AMER3: variants seen among roughly 807,000 people sequenced by gnomAD.
The protein encoded by AMER3 is family with sequence similarity 123C.
For synonymous variants in AMER3, 541 were observed against 485.5 expected (o/e 1.11, Z -1.50); for missense variants, 1,201 against 1,139.4 (o/e 1.05, Z -0.78).
chr2:130,765,772 A>C lies in AMER3; in HGVS notation c.*1114A>C, dbSNP rs1051862752. The C allele has an allele frequency of 7.8e-5, 13 of 166,984 alleles. No individual in the cohort carries two copies. Among genetic ancestry groups the C allele is most frequent in the African/African-American group, 3.1e-4 (13 of 41,422 alleles). 10.3% of individuals were successfully genotyped at this position (166,984 alleles called of 1,614,324 possible). A position where few individuals can be genotyped will look rare whatever the true frequency, so the allele number is the denominator to read the frequency against. On this transcript the variant is annotated 3_prime_UTR_variant, in exon 2 of 2. Coordinates refer to ENST00000321420, the MANE Select transcript of AMER3 (RefSeq NM_152698.3). ...AGAGAGAGACCAGTTTGCCTTCTTT[A>C]TTTGTTCTCCCTGGGCCTCAGCAGA...
In AMER3 at chr2:130,768,092, C is replaced by T. The variant is rs1679033652; in HGVS notation, c.*3434C>T. 1 of 167,152 alleles carries T rather than the reference C, an allele frequency of 6.0e-6. No homozygotes were observed. Among genetic ancestry groups the T allele is most frequent in the Non-Finnish European group, 1.5e-5 (1 of 68,184 alleles). The allele number at this position is 167,152 out of a possible 1,614,324, so 10.4% of individuals were successfully genotyped here. A position where few individuals can be genotyped will look rare whatever the true frequency, so the allele number is the denominator to read the frequency against. ...CTTTGTGCTGCACCTGAGGGAGTAG[C>T]CGCTCTGTAAATCCTTGTTGAAAGA... is the stretch of plus-strand genomic sequence containing the variant. On this transcript the variant is annotated 3_prime_UTR_variant, in exon 2 of 2. Transcript: ENST00000321420.
rs1574041346 is a variant in AMER3, at chr2:130,761,941, C to T, written c.-19-113C>T. On this transcript the variant is annotated intron_variant, in intron 1 of 1. Coordinates refer to ENST00000321420, the MANE Select transcript of AMER3 (RefSeq NM_152698.3). ...CTCCCCCACCTGCAAGGAGGATCTC[C>T]TGGGACAGAGGCCCCTGCAGAGAGT... 5 of 1,060,254 alleles carry T rather than the reference C, an allele frequency of 4.7e-6. No homozygotes were observed. In the East Asian group the frequency reaches 7.8e-5, roughly 17 times the overall value. 65.7% of individuals were successfully genotyped at this position (1,060,254 alleles called of 1,614,324 possible).
chr2:130,761,370 A>G (rs1678776572), intron 1 of AMER3, among the ~76,000 whole-genome samples: 2 of 152,220 alleles, frequency 1.3e-5, no homozygotes, highest in Admixed American at 6.5e-5. Flanking sequence ...TGATGTGTGC[A>G]CAAAAGGTGG....
chr2:130,761,221 G>A (rs1168688629), intron 1 of AMER3, among the ~76,000 whole-genome samples: 4 of 152,150 alleles, frequency 2.6e-5, no homozygotes, highest in Non-Finnish European at 4.4e-5. Context: ...TAACTGGGCC[G>A]GGACAGTCAA....
rs1678994516 is a variant in AMER3 at position 130,766,780 on chromosome 2, G to A, written c.*2122G>A. The A allele has an allele frequency of 6.0e-6, 1 of 166,772 alleles. No individual in the cohort carries two copies. The highest frequency in any genetic ancestry group is 1.5e-5 in the Non-Finnish European group (1 of 68,136). The allele number at this position is 166,772 out of a possible 1,614,324, so 10.3% of individuals were successfully genotyped here. On this transcript the variant is annotated 3_prime_UTR_variant, in exon 2 of 2. Transcript: ENST00000321420. ...AGCCTCCCACAGTGCTGGATGACAG[G>A]AGTGAGCCAGCCAGCATCATGCATC... is the stretch of plus-strand genomic sequence containing the variant.
In AMER3 at chr2:130,764,477, G is replaced by A. The variant is rs371892960; in HGVS notation, c.2405G>A (p.Arg802Gln). The A allele has an allele frequency of 3.3e-5, 53 of 1,598,454 alleles. 1 individual carries two copies. Among genetic ancestry groups the A allele is most frequent in the South Asian group, 2.4e-4 (21 of 89,030 alleles). Residue 802 changes from arginine to glutamine, a missense_variant, in exon 2 of 2, where the codon CGG becomes CAG. Transcript: ENST00000321420. ...DSEPRSAPAA[R>Q]WSSQGHHPES... is the part of the protein sequence containing the mutation. ...GAGCCCCGCTCAGCCCCTGCTGCCC[G>A]GTGGAGTTCCCAGGGCCACCATCCA...
At chr2:130,757,511 G>C (rs952609787) in intron 1 of AMER3, among the ~76,000 whole-genome samples, 2 of 152,178 alleles carry the variant, frequency 1.3e-5, no homozygotes, top group East Asian at 3.9e-4. Context: ...ACCTCAGGCC[G>C]GGTGTGGTGT....
intron 1 of AMER3, among the ~76,000 whole-genome samples, chr2:130,757,463 C>T (rs1678647123): frequency 6.6e-6 from 1 of 152,176 alleles, no homozygotes; most frequent in Non-Finnish European, 1.5e-5. Context: ...AAGGTTGGCT[C>T]CCTGTGGCTT....
At position 130,763,203 on chromosome 2, in the gene AMER3, C is replaced by T. The variant is rs148342332; in HGVS notation, c.1131C>T (p.Pro377=). 3.5e-5 allele frequency: 56 copies of T among 1,613,794 alleles called. No individual in the cohort carries two copies. In the African/African-American group the frequency reaches 6.3e-4, roughly 18 times the overall value. Residue 377 remains proline, a synonymous_variant, in exon 2 of 2, where the codon CCC becomes CCT. Coordinates refer to ENST00000321420, the MANE Select transcript of AMER3 (RefSeq NM_152698.3). ...CAGGCACCCCCAAGAGCGAGCAGCC[C>T]GAATCCGTGTCCACAAGTGACGAGG... ...IDTGTPKSEQ[P]ESVSTSDEGY... is the part of the protein sequence containing the mutation.
chr2:130,758,063 G>A (rs1280466693), intron 1 of AMER3, among the ~76,000 whole-genome samples: 2 of 152,116 alleles, frequency 1.3e-5, no homozygotes, highest in Non-Finnish European at 2.9e-5. Flanking sequence ...GAACCCGCGA[G>A]GTGGAGCTTG....
At chr2:130,760,159 G>A (rs941745910) in intron 1 of AMER3, among the ~76,000 whole-genome samples, 3 of 152,242 alleles carry the variant, frequency 2.0e-5, no homozygotes, top group Non-Finnish European at 2.9e-5. Flanking sequence ...CAACAGCTGA[G>A]CTGCAGCTGG....
Position 130,762,830 on chromosome 2 carries a change from T to C in AMER3, c.758T>C (p.Val253Ala), listed in dbSNP as rs759332457. The C allele has an allele frequency of 3.7e-6, 6 of 1,612,878 alleles. No homozygotes were observed. In the Admixed American group the frequency reaches 8.3e-5, roughly 22 times the overall value. The change falls in exon 2 of 2, where the codon GTG becomes GCG. Residue 253 changes from valine (V) to alanine (A), a missense_variant. Transcript: ENST00000321420. ...GACTCGCTCACGGGTTGTGGGGAGGTGTTCGCAGATGAGAGCTCGGTGCCA... is the reference window on the plus strand; with the variant it reads ...GACTCGCTCACGGGTTGTGGGGAGGCGTTCGCAGATGAGAGCTCGGTGCCA... The part of the protein sequence containing the change: ...SFDSLTGCGE[V>A]FADESSVPSL...
chr2:130,761,701 G>T (rs1264365073), intron 1 of AMER3, among the ~76,000 whole-genome samples: 1 of 152,232 alleles, frequency 6.6e-6, no homozygotes, highest in East Asian at 1.9e-4. Flanking sequence ...ACTCAGAAGG[G>T]CCATGACACC....
chr2:130,762,684 G>C lies in AMER3; in HGVS notation c.612G>C (p.Pro204=), dbSNP rs534079166. Residue 204 remains proline (P), a synonymous_variant, in exon 2 of 2, where the codon CCG becomes CCC. Transcript: ENST00000321420. The stretch of plus-strand genomic sequence containing the variant: ...GGCGAAGCAAAGCCTTCCTCCCCCC[G>C]GGTGAGGGGCCGGGGCTGGACGGCC... The part of the protein sequence containing the change: ...GGRRSKAFLP[P]GEGPGLDGLC... 1 of 1,611,262 alleles carries C rather than the reference G, an allele frequency of 6.2e-7. No homozygotes were observed. Among genetic ancestry groups the C allele is most frequent in the Non-Finnish European group, 8.5e-7 (1 of 1,179,802 alleles).
At position 130,763,233 on chromosome 2, in the gene AMER3, C is replaced by CT. The variant is rs1193375302; in HGVS notation, c.1162dup (p.Tyr388LeufsTer2). 1.9e-6 allele frequency: 3 copies of CT among 1,613,790 alleles called. No individual in the cohort carries two copies. The highest frequency in any genetic ancestry group is 1.3e-5 in the African/African-American group (1 of 74,926). On this transcript the variant is annotated frameshift_variant, in exon 2 of 2. Coordinates refer to ENST00000321420, the MANE Select transcript of AMER3 (RefSeq NM_152698.3). LOFTEE classifies it low-confidence loss of function (END_TRUNC). ...CCGTGTCCACAAGTGACGAGGGCTA[C>CT]TATGATTCCTTCTCGCCAGGACTTG...
Position 130,764,185 on chromosome 2 carries a change from C to A in AMER3, c.2113C>A (p.Leu705Ile), listed in dbSNP as rs934358617. 1.6e-5 allele frequency: 25 copies of A among 1,607,606 alleles called. No homozygotes were observed. The highest frequency in any genetic ancestry group is 2.1e-5 in the Non-Finnish European group (25 of 1,176,596). ...TCCAAGGCAAGACATGGGCAGTGGG[C>A]TCTTTGGGCAGCGCTGGGCCAGGGG... ...WPPRQDMGSG[L>I]FGQRWARGPD... The change falls in exon 2 of 2, where the codon CTC becomes ATC. Residue 705 changes from leucine to isoleucine, a missense_variant. By Grantham distance (5) the Leu-to-Ile change is conservative. Coordinates refer to ENST00000321420, the MANE Select transcript of AMER3 (RefSeq NM_152698.3).
Position 130,765,105 on chromosome 2 carries a change from G to C in AMER3, c.*447G>C, listed in dbSNP as rs1416942387. ...AAATCCGAAAATCACAATCCCAAAA[G>C]ATCTAAATCCTGGAAATATAATTCT... is the stretch of plus-strand genomic sequence containing the variant. On this transcript the variant is annotated 3_prime_UTR_variant, in exon 2 of 2. Transcript: ENST00000321420. 5.9e-6 allele frequency: 1 copy of C among 168,424 alleles called. No homozygotes were observed. The highest frequency in any genetic ancestry group is 1.4e-5 in the Non-Finnish European group (1 of 69,334). 10.4% of individuals were successfully genotyped at this position (168,424 alleles called of 1,614,324 possible).
At position 130,763,776 on chromosome 2, in the gene AMER3, G is replaced by A. The variant is rs763439054; in HGVS notation, c.1704G>A (p.Leu568=). 6.2e-7 allele frequency: 1 copy of A among 1,604,498 alleles called. No individual in the cohort carries two copies. The highest frequency in any genetic ancestry group is 1.1e-5 in the South Asian group (1 of 90,522). ...TVCSAPSRQE[L]WAHPGTTGLL... is the part of the protein sequence containing the mutation. ...GCTCAGCACCCAGCAGGCAGGAGCT[G>A]TGGGCACACCCGGGCACCACAGGCC... Residue 568 remains leucine, a synonymous_variant, in exon 2 of 2, where the codon CTG becomes CTA. Coordinates refer to ENST00000321420, the MANE Select transcript of AMER3 (RefSeq NM_152698.3).
chr2:130,756,102 C>T (rs1371204279), intron 1 of AMER3, among the ~76,000 whole-genome samples: 3 of 150,570 alleles, frequency 2.0e-5, no homozygotes, highest in Non-Finnish European at 4.4e-5. Flanking sequence ...AGGCGGCAGC[C>T]TGGCGGAGCA....
Sources: gnomAD v4.1 joint callset for allele counts (sites outside exome capture counted in the v4.1 genomes callset) on GRCh38, gnomAD v4.1.1 for gene constraint, MANE v1.5 for transcripts, NCBI Gene and HGNC (gene_info 2026-07-23, HGNC 2026-07-21) for gene names.